Variants in DRC4 observed in about 807,000 individuals in gnomAD.
The protein encoded by DRC4 is GAS-11.
chr16:90,040,567 C>A, the DRC4 span: 7 of 1,488,098 alleles, frequency 4.7e-6, no homozygotes, highest in African/African-American at 9.8e-5. Flanking sequence ...TGGCAAGAGT[C>A]TTCAGTTCTG....
chr16:90,042,676 G>C, the DRC4 span: 1 of 694,922 alleles, frequency 1.4e-6, no homozygotes, highest in Non-Finnish European at 2.5e-6. Flanking sequence ...CCACGTGAGG[G>C]TGCAGTCATA....
At chr16:90,035,842 G>C in the DRC4 span, 2 of 1,535,476 alleles carry the variant, frequency 1.3e-6, no homozygotes, top group Non-Finnish European at 1.8e-6. Flanking sequence ...TCCAAGGCCA[G>C]TGGACCCACT....
At chr16:90,021,837 CAGA>C in the DRC4 span, among the ~76,000 whole-genome samples, 1 of 120,504 alleles carries the variant, frequency 8.3e-6, no homozygotes, top group African/African-American at 3.3e-5. Context: ...GCCTAGGCGA[CAGA>C]AGGAGACCCT....
At chr16:90,035,848 C>T in the DRC4 span, 1 of 1,522,116 alleles carries the variant, frequency 6.6e-7, no homozygotes, top group Non-Finnish European at 8.8e-7. Context: ...GCCAGTGGAC[C>T]CACTCAGAAT....
the DRC4 span, chr16:90,033,009 C>A: frequency 8.4e-7 from 1 of 1,189,770 alleles, no homozygotes; most frequent in Non-Finnish European, 1.2e-6. Context: ...TATTCAACAG[C>A]AACTGGGAAT....
At chr16:90,043,218 C>G in the DRC4 span, 2 of 1,613,332 alleles carry the variant, frequency 1.2e-6, no homozygotes, top group South Asian at 2.2e-5. Flanking sequence ...CTGCTGCGCA[C>G]GTATGAGGCA....
chr16:90,039,066 G>A, the DRC4 span, among the ~76,000 whole-genome samples: 32 of 152,342 alleles, frequency 2.1e-4, no homozygotes, highest in Middle Eastern at 6.8e-3. Flanking sequence ...GGTCCTGCAC[G>A]ACGTGCATTG....
At chr16:90,024,924 C>G in the DRC4 span, among the ~76,000 whole-genome samples, 1 of 151,956 alleles carries the variant, frequency 6.6e-6, no homozygotes, top group African/African-American at 2.4e-5. Context: ...GGGCCTTGGT[C>G]TGTTGGATCC....
At chr16:90,037,428 CCTT>C in the DRC4 span, 3 of 1,592,732 alleles carry the variant, frequency 1.9e-6, no homozygotes, top group Admixed American at 5.1e-5. Context: ...TCCTCTCCCT[CCTT>C]GGCATGAGCT....
the DRC4 span, among the ~76,000 whole-genome samples, chr16:90,026,740 G>A: frequency 2.7e-5 from 4 of 150,874 alleles, no homozygotes; most frequent in Non-Finnish European, 5.9e-5. Flanking sequence ...CTGGAGTGCG[G>A]TGGTGCACCA....
At chr16:90,039,039 C>T in the DRC4 span, among the ~76,000 whole-genome samples, 1 of 152,244 alleles carries the variant, frequency 6.6e-6, no homozygotes, top group African/African-American at 2.4e-5. Flanking sequence ...TCTAGCCCCA[C>T]CTTCAGAGAC....
At chr16:90,042,028 C>T in the DRC4 span, among the ~76,000 whole-genome samples, 2 of 151,984 alleles carry the variant, frequency 1.3e-5, no homozygotes, top group African/African-American at 4.8e-5. Flanking sequence ...ACCTCCGTTT[C>T]CCAGGTTCAA....
At chr16:90,027,795 T>C in the DRC4 span, 2 of 1,380,110 alleles carry the variant, frequency 1.4e-6, no homozygotes, top group Non-Finnish European at 2.1e-6. Context: ...CTACGCCGAG[T>C]GTCCATCTTG....
the DRC4 span, among the ~76,000 whole-genome samples, chr16:90,025,516 G>C: frequency 6.6e-6 from 1 of 151,344 alleles, no homozygotes; most frequent in African/African-American, 2.4e-5. Flanking sequence ...CGGACGTGGT[G>C]GTGGGCACCT....
the DRC4 span, chr16:90,044,109 C>T: frequency 1.6e-5 from 7 of 449,504 alleles, no homozygotes; most frequent in Non-Finnish European, 2.7e-5. Flanking sequence ...GTGAACCTTC[C>T]GCACCAGAGG....
chr16:90,043,266 G>C, the DRC4 span: 2 of 1,613,662 alleles, frequency 1.2e-6, no homozygotes, highest in African/African-American at 1.3e-5. Flanking sequence ...GACAACGTGG[G>C]CTTCAAGCCC....
the DRC4 span, among the ~76,000 whole-genome samples, chr16:90,032,210 G>A: frequency 1.3e-5 from 2 of 151,484 alleles, no homozygotes; most frequent in Non-Finnish European, 2.9e-5. Context: ...TACAGGTACG[G>A]TGCAGGTGAT....
chr16:90,031,846 C>T, the DRC4 span, among the ~76,000 whole-genome samples: 2 of 152,124 alleles, frequency 1.3e-5, no homozygotes, highest in Admixed American at 6.5e-5. Context: ...GCATGTGTAG[C>T]TGTGTAAAGG....
At chr16:90,021,712 TAA>T in the DRC4 span, among the ~76,000 whole-genome samples, 6 of 146,920 alleles carry the variant, frequency 4.1e-5, no homozygotes, top group Admixed American at 4.1e-4. Context: ...ATTAAAAACT[TAA>T]AAAAAAAAGC....
Sources: gnomAD v4.1 joint callset for allele counts (sites outside exome capture counted in the v4.1 genomes callset) on GRCh38, gnomAD v4.1.1 for gene constraint, MANE v1.5 for transcripts, NCBI Gene and HGNC (gene_info 2026-07-23, HGNC 2026-07-21) for gene names.